MSRA: variants seen among roughly 807,000 people sequenced by gnomAD.
MSRA encodes mitochondrial peptide methionine sulfoxide reductase.
A neutral mutation model predicts 31.3 loss-of-function variants in MSRA; 54 were observed. The observed-to-expected ratio is 1.73, with a 90% CI of 1.39 to 2.17. The LOEUF (loss-of-function observed/expected upper bound fraction) is 2.17. Ranked by LOEUF, MSRA falls within the 30% of genes most tolerant of loss-of-function variation. MSRA has a pLI of 0.00. For synonymous variants in MSRA, 169 were observed against 116.5 expected (o/e 1.45, Z -2.90); for missense variants, 507 against 300.9 (o/e 1.69, Z -5.07).
chr8:10,206,270 G>A (rs548524802), intron 1 of MSRA, among the ~76,000 whole-genome samples: 2 of 152,150 alleles, frequency 1.3e-5, no homozygotes, highest in Admixed American at 6.5e-5. Context: ...GCTTGACAGG[G>A]TCCTTCCATC....
intron 3 of MSRA, among the ~76,000 whole-genome samples, chr8:10,265,007 G>C (rs984133535): frequency 6.6e-6 from 1 of 152,178 alleles, no homozygotes; most frequent in Non-Finnish European, 1.5e-5. Context: ...TGACTGTTCA[G>C]ATTAGGTCAC....
At chr8:10,099,312 C>T (rs758460215) in intron 1 of MSRA, among the ~76,000 whole-genome samples, 3 of 152,154 alleles carry the variant, frequency 2.0e-5, no homozygotes, top group African/African-American at 7.2e-5. Flanking sequence ...AGGAGTGTCT[C>T]AGCCGTGGGT....
intron 5 of MSRA, among the ~76,000 whole-genome samples, chr8:10,423,768 C>A (rs1356519987): frequency 6.6e-6 from 1 of 152,174 alleles, no homozygotes; most frequent in Non-Finnish European, 1.5e-5. Context: ...CTGCCTGAGT[C>A]CGTCGTCCCC....
intron 5 of MSRA, chr8:10,353,948 G>C (rs1804355845): frequency 5.3e-6 from 1 of 188,730 alleles, no homozygotes; most frequent in South Asian, 1.0e-4. Context: ...AAGCAGTGTT[G>C]TCAAGAGAGC....
intron 1 of MSRA, among the ~76,000 whole-genome samples, chr8:10,189,445 G>C (rs7842065): frequency 2.0e-5 from 3 of 151,664 alleles, no homozygotes; most frequent in Non-Finnish European, 2.9e-5. Flanking sequence ...GAGAACGTTC[G>C]GTCTGTTACC....
chr8:10,144,865 G>T (rs1469625770), intron 1 of MSRA, among the ~76,000 whole-genome samples: 1 of 152,046 alleles, frequency 6.6e-6, no homozygotes, highest in Non-Finnish European at 1.5e-5. Flanking sequence ...TGCCTTGATT[G>T]CTTAAGACAA....
chr8:10,225,999 A>G (rs976519404), intron 2 of MSRA, among the ~76,000 whole-genome samples: 2 of 152,190 alleles, frequency 1.3e-5, no homozygotes, highest in African/African-American at 4.8e-5. Flanking sequence ...CCTCAGATTC[A>G]CTGCACAGTA....
chr8:10,373,537 A>C (rs1455378298), intron 5 of MSRA, among the ~76,000 whole-genome samples: 5 of 152,230 alleles, frequency 3.3e-5, no homozygotes, highest in Non-Finnish European at 7.3e-5. Context: ...TTGCCCAGCT[A>C]CTGACTGGTA....
intron 1 of MSRA, among the ~76,000 whole-genome samples, chr8:10,101,451 C>A (rs987652257): frequency 3.3e-5 from 5 of 152,068 alleles, no homozygotes; most frequent in African/African-American, 1.2e-4. Flanking sequence ...TGTTATGCTG[C>A]CATTACCGTC....
chr8:10,095,963 C>A, intron 1 of MSRA: 2 of 1,371,800 alleles, frequency 1.5e-6, no homozygotes, highest in South Asian at 1.9e-5. Context: ...TATTAATTTT[C>A]TACAAAATAA....
At chr8:10,207,574 T>G (rs1337654656) in intron 1 of MSRA, among the ~76,000 whole-genome samples, 2 of 152,134 alleles carry the variant, frequency 1.3e-5, no homozygotes, top group Non-Finnish European at 2.9e-5. Context: ...GCTGGGTCTG[T>G]AGCCACCCAT....
intron 5 of MSRA, among the ~76,000 whole-genome samples, chr8:10,358,557 A>G (rs1199390251): frequency 3.4e-5 from 4 of 116,448 alleles, no homozygotes; most frequent in East Asian, 3.3e-4. Flanking sequence ...CAGCGGCAGC[A>G]TTAGATTCTT....
chr8:10,074,058 CTTTTTTTTTTTTTTTT>C (rs534642712), intron 1 of MSRA, among the ~76,000 whole-genome samples: 59 of 29,450 alleles, frequency 2.0e-3, no homozygotes, highest in East Asian at 6.8e-3. Flanking sequence ...AAGGGAGGTG[CTTTTTTTTTTTTTTTT>C]TTTTTTTTTT....
At chr8:10,191,557 A>C (rs1807505901) in intron 1 of MSRA, among the ~76,000 whole-genome samples, 1 of 152,220 alleles carries the variant, frequency 6.6e-6, no homozygotes, top group Non-Finnish European at 1.5e-5. Context: ...TTGATATCTT[A>C]CACTCTATTC....
intron 5 of MSRA, among the ~76,000 whole-genome samples, chr8:10,325,492 T>C (rs1465760104): frequency 6.6e-6 from 1 of 152,158 alleles, no homozygotes; most frequent in Non-Finnish European, 1.5e-5. Flanking sequence ...TTTGTTTAGC[T>C]GTAGATGTGT....
intron 5 of MSRA, among the ~76,000 whole-genome samples, chr8:10,323,337 T>C (rs1182922233): frequency 1.3e-5 from 2 of 152,182 alleles, no homozygotes; most frequent in Admixed American, 6.5e-5. Context: ...AACTCCCTTA[T>C]GTAATGATTC....
chr8:10,198,104 C>T (rs1003075902), intron 1 of MSRA, among the ~76,000 whole-genome samples: 2 of 151,868 alleles, frequency 1.3e-5, no homozygotes, highest in Admixed American at 6.6e-5. Context: ...TTTTTTCAAG[C>T]GTTGCTTTCA....
In MSRA at chr8:10,275,232, A is replaced by G. The variant is rs141589469; in HGVS notation, c.332-26302A>G. Among the ~76,000 whole-genome samples, 224 of 152,336 alleles carry G rather than the reference A, an allele frequency of 1.5e-3. 1 individual carries two copies. The highest frequency in any genetic ancestry group is 0.012 in the South Asian group (59 of 4,830). On this transcript the variant is annotated intron_variant, in intron 3 of 5. Transcript: ENST00000317173. ...AAGCATTGAAATGAGAAAACAGAAC[A>G]TGTTTTCATCCCCGTGATTGCAAGA... is the stretch of plus-strand genomic sequence containing the variant.
chr8:10,248,476 G>A (rs934729509), intron 3 of MSRA, among the ~76,000 whole-genome samples: 1 of 152,152 alleles, frequency 6.6e-6, no homozygotes, highest in Non-Finnish European at 1.5e-5. Context: ...CAGCACACAG[G>A]TGGGTGAACA....
Sources: allele counts gnomAD v4.1 joint callset (sites outside exome capture counted in the v4.1 genomes callset), GRCh38; gene constraint gnomAD v4.1.1; transcripts MANE v1.5; gene names NCBI Gene and HGNC (gene_info 2026-07-23, HGNC 2026-07-21).